CFAP47: variants seen among roughly 807,000 people sequenced by gnomAD.
CFAP47 encodes the protein cilia and flagella associated protein 47.
Under a neutral mutation model 148.1 loss-of-function variants are expected in CFAP47, and 29 were observed. The observed-to-expected ratio is 0.20, with a 90% CI of 0.15 to 0.27. CFAP47 has a LOEUF of 0.27. Ranked by LOEUF, CFAP47 falls within the 10% of genes least tolerant of loss-of-function variation. The pLI, the probability that CFAP47 is intolerant of heterozygous loss-of-function variation, is 1.00. For missense variants in CFAP47, 1,872 were observed against 1,697.5 expected (o/e 1.10, Z -1.81); for synonymous variants, 664 against 577.3 (o/e 1.15, Z -2.15).
chrX:36,131,207 G>A (rs924410722), intron 33 of CFAP47, among the ~76,000 whole-genome samples: 4 of 110,881 alleles, frequency 3.6e-5, no homozygotes, highest in African/African-American at 1.3e-4. Context: ...TGTAGCCACA[G>A]AAATTAAATT....
intron 40 of CFAP47, among the ~76,000 whole-genome samples, chrX:36,188,287 C>T (rs1344216272): frequency 9.0e-6 from 1 of 111,514 alleles, no homozygotes. Flanking sequence ...AGATCATCCA[C>T]GTTTTGAGTC....
Position 36,367,530 on chromosome X carries a change from C to T in CFAP47, c.9185+403C>T, listed in dbSNP as rs1449263473. Among the ~76,000 whole-genome samples, 5 of 112,038 alleles carry T rather than the reference C, an allele frequency of 4.5e-5. No homozygotes were observed. The East Asian group carries it at 1.4e-3, about 31-fold the overall frequency. ...TTGTTTCTATCATAGCTGTCTGTTACATTTGTGCTAACATAGGCAGTCTGA... is the reference window on the plus strand; with the variant it reads ...TTGTTTCTATCATAGCTGTCTGTTATATTTGTGCTAACATAGGCAGTCTGA... On this transcript the variant is annotated intron_variant, in intron 62 of 63. Coordinates refer to ENST00000378653, the MANE Select transcript of CFAP47 (RefSeq NM_001304548.2).
chrX:35,924,343 G>C (rs1425853734), intron 1 of CFAP47, among the ~76,000 whole-genome samples: 1 of 105,783 alleles, frequency 9.5e-6, no homozygotes, highest in Non-Finnish European at 1.9e-5. Flanking sequence ...GTACATATAT[G>C]TGTGCATATG....
At chrX:36,347,363 G>A (rs1443583018) in intron 57 of CFAP47, among the ~76,000 whole-genome samples, 2 of 111,905 alleles carry the variant, frequency 1.8e-5, no homozygotes, top group African/African-American at 6.5e-5. Flanking sequence ...CTTTGTGGAC[G>A]ACAGTGTGAA....
chrX:36,061,052 T>C (rs2146748860), intron 26 of CFAP47, among the ~76,000 whole-genome samples: 1 of 111,377 alleles, frequency 9.0e-6, no homozygotes, highest in South Asian at 3.8e-4. Context: ...AGGGGCCCTG[T>C]GGGAGGTAAT....
chrX:35,997,289 A>G (rs1936859498), intron 18 of CFAP47, 23 bp from the exon 19 acceptor site: 1 of 293,068 alleles, frequency 3.4e-6, no homozygotes, highest in Non-Finnish European at 6.0e-6. Context: ...GTTTCTACAA[A>G]GTTTTTATTT....
Position 35,920,010 on chromosome X carries a change from A to T in CFAP47, c.211A>T (p.Asn71Tyr). The T allele has an allele frequency of 8.3e-7, 1 of 1,200,609 alleles. No homozygotes were observed. Among genetic ancestry groups the T allele is most frequent in the South Asian group, 1.8e-5 (1 of 55,525 alleles). ...TACTGTGCATAATATTTGCCGCTGG[A>T]ACCAGAAAATCCGATTTAAGGAGCC... is the stretch of plus-strand genomic sequence containing the variant. Reference protein sequence around the residue: ...PITVHNICRWNQKIRFKEPVK... With the variant: ...PITVHNICRWYQKIRFKEPVK... Residue 71 changes from asparagine to tyrosine, a missense_variant, in exon 1 of 64, where the codon AAC becomes TAC. Physicochemically the swap from Asn to Tyr is moderately radical, Grantham distance 143 (BLOSUM62 -2). Coordinates refer to ENST00000378653, the MANE Select transcript of CFAP47 (RefSeq NM_001304548.2).
rs1556001334 is a variant in CFAP47, at chrX:36,268,129, A to G, written c.7445-12358A>G. ...CATACGGCATTTTCTGCCTTTACATAAGATGATCTGTCCTCTGATTGCTAG... is the reference window on the plus strand; with the variant it reads ...CATACGGCATTTTCTGCCTTTACATGAGATGATCTGTCCTCTGATTGCTAG... On this transcript the variant is annotated intron_variant, in intron 49 of 63. Transcript: ENST00000378653. 7.0e-5 allele frequency among the ~76,000 whole-genome samples: 8 copies of G among 113,541 alleles called. No individual in the cohort carries two copies. The South Asian group carries it at 2.5e-3, about 36-fold the overall frequency.
chrX:35,952,122 G>A (rs750825588), intron 6 of CFAP47, among the ~76,000 whole-genome samples, 159 bp downstream of exon 6: 2 of 112,280 alleles, frequency 1.8e-5, no homozygotes, highest in African/African-American at 6.5e-5. Flanking sequence ...AACATGGTTA[G>A]TAATATTTCT....
At chrX:36,347,600 A>G (rs1941708808) in intron 57 of CFAP47, among the ~76,000 whole-genome samples, 1 of 112,062 alleles carries the variant, frequency 8.9e-6, no homozygotes, top group Non-Finnish European at 1.9e-5. Flanking sequence ...CTATGCAGCT[A>G]TAAAAAAGGA....
chrX:36,172,907 C>T (rs1482920132), intron 39 of CFAP47, among the ~76,000 whole-genome samples: 1 of 110,983 alleles, frequency 9.0e-6, no homozygotes, highest in Non-Finnish European at 1.9e-5. Flanking sequence ...TGGTAGAATT[C>T]GGCTGTGAAT....
At chrX:36,003,028 C>G (rs979597323) in intron 21 of CFAP47, among the ~76,000 whole-genome samples, 2 of 110,798 alleles carry the variant, frequency 1.8e-5, no homozygotes, top group Admixed American at 1.9e-4. Context: ...TTGTCTTGTT[C>G]CTGAAAGCAT....
chrX:36,152,721 C>G (rs1298304170), intron 37 of CFAP47, among the ~76,000 whole-genome samples: 5 of 111,490 alleles, frequency 4.5e-5, no homozygotes, highest in Non-Finnish European at 1.9e-5. Flanking sequence ...ACTTCAGGGT[C>G]TTAATTGGAA....
intron 35 of CFAP47, among the ~76,000 whole-genome samples, chrX:36,140,576 C>G (rs746231634): frequency 6.5e-4 from 72 of 111,444 alleles, no homozygotes; most frequent in Non-Finnish European, 1.2e-3. Context: ...AATGCCCTAA[C>G]TCTTTATTAG....
chrX:36,290,146 T>C (rs1308041851), intron 51 of CFAP47, among the ~76,000 whole-genome samples: 1 of 111,141 alleles, frequency 9.0e-6, no homozygotes, highest in Non-Finnish European at 1.9e-5. Context: ...CTCTGTGCTC[T>C]GAAGGCTGAT....
rs1315444894 is a variant in CFAP47, at chrX:36,003,969, T to TTTTC, written c.3417+2265_3417+2266insCTTT. 2.9e-4 allele frequency among the ~76,000 whole-genome samples: 23 copies of TTTTC among 78,463 alleles called. No individual in the cohort carries two copies. In the South Asian group the frequency reaches 3.7e-3, roughly 13 times the overall value. 68.1% of individuals were successfully genotyped at this position (78,463 alleles called of 115,157 possible). A position where few individuals can be genotyped will look rare whatever the true frequency, so the allele number is the denominator to read the frequency against. On this transcript the variant is annotated intron_variant, in intron 21 of 63. Coordinates refer to ENST00000378653, the MANE Select transcript of CFAP47 (RefSeq NM_001304548.2). ...ATCACTAGCATTTCTTTCTTTTTCT[T>TTTTC]TTTTTTTTTTTTTTTTTTTTTTAGA...
intron 36 of CFAP47, among the ~76,000 whole-genome samples, chrX:36,148,732 A>G (rs1223045501): frequency 1.8e-5 from 2 of 111,677 alleles, no homozygotes; most frequent in Admixed American, 9.5e-5. Context: ...TGTAAATTGG[A>G]TATATAAGTT....
rs782558086 is a variant in CFAP47, at chrX:36,226,458, T to A, written c.6818-2170T>A. Among the ~76,000 whole-genome samples the A allele has an allele frequency of 3.2e-4, 31 of 95,553 alleles. No individual in the cohort carries two copies. In the South Asian group the frequency reaches 0.012, roughly 37 times the overall value. 83.0% of individuals were successfully genotyped at this position (95,553 alleles called of 115,157 possible). On this transcript the variant is annotated intron_variant, in intron 45 of 63. Coordinates refer to ENST00000378653, the MANE Select transcript of CFAP47 (RefSeq NM_001304548.2). ...AAATAAATATCTTAACCCAGAAGTT[T>A]TTAAATCTCTTATTTATAATATATA...
intron 57 of CFAP47, among the ~76,000 whole-genome samples, chrX:36,338,270 T>C (rs991305793): frequency 8.2e-5 from 9 of 109,706 alleles, no homozygotes; most frequent in Non-Finnish European, 1.3e-4. Flanking sequence ...CACGGCTCTT[T>C]ATCCCCTGAC....
Sources: allele counts gnomAD v4.1 joint callset (sites outside exome capture counted in the v4.1 genomes callset), GRCh38; gene constraint gnomAD v4.1.1; transcripts MANE v1.5; gene names NCBI Gene and HGNC (gene_info 2026-07-23, HGNC 2026-07-21).